The following SPATA17 variants were observed in gnomAD, a reference collection of about 807,000 sequenced individuals.
The protein encoded by SPATA17 is spermatogenesis-associated protein 17.
In SPATA17, 53 loss-of-function variants were observed where a neutral mutation model predicts 62.2. That is an observed-to-expected ratio of 0.85 (90% confidence interval 0.68 to 1.07). The LOEUF (loss-of-function observed/expected upper bound fraction) is 1.07. Among genes scored for constraint, SPATA17 ranks in the 50% least tolerant of loss-of-function variants. The pLI is 0.00. For missense variants in SPATA17, 466 were observed against 425.5 expected, an observed-to-expected ratio of 1.10 and a Z score of -0.84; for synonymous variants, 146 against 146.8, an observed-to-expected ratio of 0.99 and a Z score of 0.04.
Position 217,802,581 on chromosome 1 carries a change from G to A in SPATA17, c.1005+731G>A, listed in dbSNP as rs1042430197. Among the ~76,000 whole-genome samples, 11 of 152,094 alleles carry A rather than the reference G, an allele frequency of 7.2e-5. No homozygotes were observed. In the East Asian group the frequency reaches 7.7e-4, roughly 11 times the overall value. ...TCATATGACCTCTTCTCTCTGGGCAGAGAGAGAGCAGGCTGTCTTGTATCT... is the reference window on the plus strand; with the variant it reads ...TCATATGACCTCTTCTCTCTGGGCAAAGAGAGAGCAGGCTGTCTTGTATCT... On this transcript the variant is annotated intron_variant, in intron 9 of 10. Coordinates refer to ENST00000366933, the MANE Select transcript of SPATA17 (RefSeq NM_138796.4).
At chr1:217,827,246 A>G (rs1675019237) in intron 9 of SPATA17, among the ~76,000 whole-genome samples, 1 of 152,138 alleles carries the variant, frequency 6.6e-6, no homozygotes, top group African/African-American at 2.4e-5. Context: ...AAAACTATAA[A>G]ACATTAATGG....
At chr1:217,741,802 C>T (rs547062298) in intron 5 of SPATA17, among the ~76,000 whole-genome samples, 173 bp from the exon 6 acceptor site, 3 of 152,236 alleles carry the variant, frequency 2.0e-5, no homozygotes, top group African/African-American at 7.2e-5. Flanking sequence ...CACATAAATG[C>T]TTTCTAAATA....
At chr1:217,780,450 C>T (rs1041933249) in intron 7 of SPATA17, among the ~76,000 whole-genome samples, 1 of 152,232 alleles carries the variant, frequency 6.6e-6, no homozygotes, top group East Asian at 1.9e-4. Context: ...TACTTTCATT[C>T]TAATCCTAAG....
chr1:217,734,816 A>G (rs536341509), intron 5 of SPATA17, among the ~76,000 whole-genome samples: 5 of 152,284 alleles, frequency 3.3e-5, no homozygotes, highest in African/African-American at 1.2e-4. Context: ...TTTGTAGTAT[A>G]TCATAGACCA....
At chr1:217,781,173 A>G (rs941977881) in intron 7 of SPATA17, 1 of 152,154 alleles carries the variant, frequency 6.6e-6, no homozygotes, top group Admixed American at 6.5e-5. Flanking sequence ...GGTTTCTATT[A>G]ATGTAAAGCA....
intron 8 of SPATA17, among the ~76,000 whole-genome samples, chr1:217,789,906 G>A (rs564538592): frequency 6.6e-6 from 1 of 152,062 alleles, no homozygotes; most frequent in African/African-American, 2.4e-5. Flanking sequence ...GTGTGGTGGT[G>A]GGCACCTGTA....
At chr1:217,773,017 C>T (rs1177716711) in intron 6 of SPATA17, among the ~76,000 whole-genome samples, 1 of 151,894 alleles carries the variant, frequency 6.6e-6, no homozygotes, top group Admixed American at 6.6e-5. Context: ...TGGGATAGGA[C>T]ATTGCATTTG....
chr1:217,847,766 T>C (rs1434634214), intron 9 of SPATA17, among the ~76,000 whole-genome samples: 2 of 152,126 alleles, frequency 1.3e-5, no homozygotes, highest in African/African-American at 4.8e-5. Context: ...AAATATGACA[T>C]CAGGCCAGGT....
At chr1:217,686,843 T>G (rs1319838649) in intron 5 of SPATA17, among the ~76,000 whole-genome samples, 1 of 152,142 alleles carries the variant, frequency 6.6e-6, no homozygotes, top group Non-Finnish European at 1.5e-5. Context: ...CCACAGCCTC[T>G]GAGTAGCTGG....
intron 5 of SPATA17, among the ~76,000 whole-genome samples, chr1:217,720,807 G>C (rs1571757042): frequency 6.6e-6 from 1 of 152,116 alleles, no homozygotes; most frequent in Non-Finnish European, 1.5e-5. Context: ...ACCCAAGAAA[G>C]GAAATGTTTG....
At chr1:217,685,843 A>C (rs1671204054) in intron 5 of SPATA17, among the ~76,000 whole-genome samples, 1 of 152,176 alleles carries the variant, frequency 6.6e-6, no homozygotes. Flanking sequence ...AGTACAGTAC[A>C]ATAAGATATT....
At chr1:217,857,096 A>G (rs1055247818) in intron 9 of SPATA17, among the ~76,000 whole-genome samples, 2 of 152,204 alleles carry the variant, frequency 1.3e-5, no homozygotes, top group African/African-American at 4.8e-5. Context: ...GCTGAAAAAT[A>G]TGTGCATAAC....
At chr1:217,730,692 C>T (rs1407636082) in intron 5 of SPATA17, among the ~76,000 whole-genome samples, 2 of 152,200 alleles carry the variant, frequency 1.3e-5, no homozygotes, top group South Asian at 2.1e-4. Flanking sequence ...CTTAGCCTTA[C>T]GGTTGTCCAG....
intron 6 of SPATA17, among the ~76,000 whole-genome samples, chr1:217,746,154 T>C (rs911057465): frequency 1.3e-5 from 2 of 152,010 alleles, no homozygotes; most frequent in Non-Finnish European, 2.9e-5. Context: ...AAAAGCCAAA[T>C]AAGAATTGAT....
intron 4 of SPATA17, among the ~76,000 whole-genome samples, chr1:217,673,789 T>C (rs941960802): frequency 1.3e-5 from 2 of 152,154 alleles, no homozygotes; most frequent in Non-Finnish European, 2.9e-5. Flanking sequence ...AGGGTAAGAA[T>C]TACTTATGTG....
chr1:217,674,567 G>T (rs1042544892), intron 4 of SPATA17, among the ~76,000 whole-genome samples: 12 of 152,344 alleles, frequency 7.9e-5, no homozygotes, highest in Admixed American at 6.5e-5. Flanking sequence ...CAGCCTCCCT[G>T]CAGGGCTTGC....
At chr1:217,748,703 C>T (rs973016070) in intron 6 of SPATA17, among the ~76,000 whole-genome samples, 1 of 147,572 alleles carries the variant, frequency 6.8e-6, no homozygotes, top group African/African-American at 2.5e-5. Context: ...GAGATCACGC[C>T]ACTGCACTCC....
chr1:217,679,432 A>G (rs1369677352), intron 4 of SPATA17, among the ~76,000 whole-genome samples: 1 of 152,172 alleles, frequency 6.6e-6, no homozygotes, highest in Non-Finnish European at 1.5e-5. Flanking sequence ...TGGCACATTC[A>G]TGGAGCTCAA....
chr1:217,787,342 G>A (rs757397302), intron 8 of SPATA17, among the ~76,000 whole-genome samples: 5 of 152,012 alleles, frequency 3.3e-5, no homozygotes, highest in Non-Finnish European at 7.4e-5. Context: ...TTGCCTCTAG[G>A]ATAAAGTTTA....
Sources: gnomAD v4.1 joint callset for allele counts (sites outside exome capture counted in the v4.1 genomes callset) on GRCh38, gnomAD v4.1.1 for gene constraint, MANE v1.5 for transcripts, NCBI Gene and HGNC (gene_info 2026-07-23, HGNC 2026-07-21) for gene names.